The following RAVER2 variants were observed in gnomAD, a reference collection of about 807,000 sequenced individuals.
RAVER2 encodes the protein ribonucleoprotein, PTB binding 2, also known as ribonucleoprotein PTB-binding 2.
Under a neutral mutation model 78.1 loss-of-function variants are expected in RAVER2, and 46 were observed. The ratio of observed to expected loss-of-function variants is 0.59; its 90% confidence interval spans 0.46 to 0.75. The LOEUF (loss-of-function observed/expected upper bound fraction) is 0.75. Ranked by LOEUF, RAVER2 falls within the 30% of genes least tolerant of loss-of-function variation. The probability of loss-of-function intolerance (pLI) is 0.00; values close to 1 mark genes in which losing one functional copy is unlikely to be tolerated. For synonymous variants in RAVER2, 311 were observed against 313.3 expected, an observed-to-expected ratio of 0.99 and a Z score of 0.08; for missense variants, 793 against 837.5, an observed-to-expected ratio of 0.95 and a Z score of 0.66.
chr1:64,790,595 G>T lies in RAVER2; in HGVS notation c.1105+1081G>T, dbSNP rs74712543. ...ACAAACTGTGTGCTGAAATTGCTAA[G>T]ATCTACAGTAAGAATGTATTTTCTA... is the stretch of plus-strand genomic sequence containing the variant. On this transcript the variant is annotated intron_variant, in intron 5 of 11. Coordinates refer to ENST00000294428, the Ensembl canonical transcript of RAVER2. 8.4e-3 allele frequency among the ~76,000 whole-genome samples: 1,276 copies of T among 152,252 alleles called. 17 individuals are homozygous for T. The highest frequency in any genetic ancestry group is 0.029 in the African/African-American group (1,222 of 41,534).
intron 5 of RAVER2, among the ~76,000 whole-genome samples, chr1:64,799,793 T>C (rs1327621304): frequency 6.6e-6 from 1 of 152,204 alleles, no homozygotes; most frequent in Non-Finnish European, 1.5e-5. Context: ...TGGATCCATA[T>C]GGTAGTTCTA....
chr1:64,792,299 A>C (rs1188542651), intron 5 of RAVER2, among the ~76,000 whole-genome samples: 1 of 152,220 alleles, frequency 6.6e-6, no homozygotes, highest in Non-Finnish European at 1.5e-5. Flanking sequence ...TGATGTGCAC[A>C]GACACAAACA....
chr1:64,764,599 TA>T (rs1164949362), intron 1 of RAVER2, among the ~76,000 whole-genome samples: 1 of 152,164 alleles, frequency 6.6e-6, no homozygotes, highest in Non-Finnish European at 1.5e-5. Context: ...ATCCCACAAA[TA>T]AACACAATGA....
chr1:64,746,816 A>G (rs903067654), intron 1 of RAVER2, among the ~76,000 whole-genome samples: 1 of 152,210 alleles, frequency 6.6e-6, no homozygotes, highest in Non-Finnish European at 1.5e-5. Context: ...TGCCCATACA[A>G]ATAGAGGACT....
exon 9 of RAVER2, chr1:64,807,366 G>T: frequency 6.2e-7 from 1 of 1,614,134 alleles, no homozygotes; most frequent in South Asian, 1.1e-5. Flanking sequence ...ATTTCTCAGG[G>T]TCGCAGCCTT....
chr1:64,779,157 G>A (rs946525617), intron 3 of RAVER2, among the ~76,000 whole-genome samples: 7 of 151,590 alleles, frequency 4.6e-5, no homozygotes, highest in African/African-American at 1.2e-4. Flanking sequence ...ATCCACTCTC[G>A]TAGCATTTTT....
At chr1:64,814,553 A>G (rs1653707249) in intron 10 of RAVER2, 151 bp from the exon 11 acceptor site, 3 of 397,644 alleles carry the variant, frequency 7.5e-6, no homozygotes, top group Admixed American at 5.5e-5. Context: ...ATTTTGTTCT[A>G]TTTGATAATG....
chr1:64,781,599 T>G, intron 4 of RAVER2, 28 bp downstream of exon 4: 1 of 1,588,934 alleles, frequency 6.3e-7, no homozygotes, highest in Non-Finnish European at 8.6e-7. Flanking sequence ...CTGTCTCTTT[T>G]TTTAGAGTAT....
intron 9 of RAVER2, among the ~76,000 whole-genome samples, chr1:64,808,474 T>G (rs982090689): frequency 6.8e-6 from 1 of 147,982 alleles, no homozygotes; most frequent in African/African-American, 2.5e-5. Context: ...TTTTTTTTTT[T>G]TTTTTGAGAC....
chr1:64,830,015 T>G (rs2100907770), intron 11 of RAVER2, among the ~76,000 whole-genome samples: 1 of 152,326 alleles, frequency 6.6e-6, no homozygotes, highest in East Asian at 1.9e-4. Context: ...CAAAAACAAT[T>G]GCAGTTTTAA....
At chr1:64,764,054 A>G (rs984169719) in intron 1 of RAVER2, among the ~76,000 whole-genome samples, 5 of 152,166 alleles carry the variant, frequency 3.3e-5, no homozygotes, top group African/African-American at 1.2e-4. Flanking sequence ...GAAACAGTTC[A>G]AATTCCCATC....
At position 64,819,841 on chromosome 1, in the gene RAVER2, TTTGA is replaced by T. The variant is rs538460479; in HGVS notation, c.1929+5005_1929+5008del. On this transcript the variant is annotated intron_variant, in intron 11 of 11. Transcript: ENST00000294428. ...CTCTCTTAAGTGGGAAGGGCTATTC[TTTGA>T]TTGTCGGAGATTTGGCAACATCCTT... is the stretch of plus-strand genomic sequence containing the variant. Among the ~76,000 whole-genome samples the T allele has an allele frequency of 5.0e-4, 76 of 152,318 alleles. 1 individual carries two copies. In the East Asian group the frequency reaches 8.7e-3, roughly 17 times the overall value.
intron 2 of RAVER2, among the ~76,000 whole-genome samples, chr1:64,775,339 T>C (rs879393710): frequency 5.3e-5 from 8 of 152,220 alleles, no homozygotes; most frequent in Admixed American, 4.6e-4. Context: ...TACTTCCCCT[T>C]TGGGGACACC....
At chr1:64,801,513 A>T (rs976463454) in intron 5 of RAVER2, among the ~76,000 whole-genome samples, 4 of 135,510 alleles carry the variant, frequency 3.0e-5, no homozygotes, top group Admixed American at 7.6e-5. Context: ...TTCTAAAAAC[A>T]TCCTCCCTTT....
chr1:64,814,167 T>C (rs1653698559), intron 10 of RAVER2, among the ~76,000 whole-genome samples: 2 of 152,164 alleles, frequency 1.3e-5, no homozygotes, highest in Admixed American at 6.5e-5. Flanking sequence ...TCATCTCGGC[T>C]CACTGCAACC....
At chr1:64,829,715 C>G (rs945982551) in intron 11 of RAVER2, among the ~76,000 whole-genome samples, 2 of 152,286 alleles carry the variant, frequency 1.3e-5, no homozygotes, top group East Asian at 3.9e-4. Context: ...ACATACTTTA[C>G]TACCAGGAAA....
chr1:64,794,397 C>CAAAA (rs60233578), intron 5 of RAVER2, among the ~76,000 whole-genome samples: 3 of 59,974 alleles, frequency 5.0e-5, no homozygotes, highest in African/African-American at 2.0e-4. Context: ...GACTCCGTCT[C>CAAAA]AAAAAAAAAA....
intron 1 of RAVER2, among the ~76,000 whole-genome samples, chr1:64,749,601 T>C (rs1026836092): frequency 1.3e-5 from 2 of 152,224 alleles, no homozygotes; most frequent in African/African-American, 4.8e-5. Context: ...TATAGTTATA[T>C]CTTTGTTTTG....
intron 2 of RAVER2, among the ~76,000 whole-genome samples, chr1:64,776,962 T>G (rs1218697496): frequency 1.3e-5 from 2 of 152,206 alleles, no homozygotes; most frequent in East Asian, 3.8e-4. Context: ...TTTATGAATA[T>G]TCAAGATCTT....
Sources: allele counts gnomAD v4.1 joint callset (sites outside exome capture counted in the v4.1 genomes callset), GRCh38; gene constraint gnomAD v4.1.1; transcripts MANE v1.5; gene names NCBI Gene and HGNC (gene_info 2026-07-23, HGNC 2026-07-21).